ASAP1: variants seen among roughly 807,000 people sequenced by gnomAD.
The protein encoded by ASAP1 is ArfGAP with SH3 domain, ankyrin repeat and PH domain 1, also known as arf-GAP with SH3 domain, ANK repeat and PH domain-containing protein 1.
A neutral mutation model predicts 145.2 loss-of-function variants in ASAP1; 43 were observed. That is an observed-to-expected ratio of 0.30 (90% CI 0.23 to 0.38). The LOEUF is 0.38. ASAP1 is among the 10% of genes least tolerant of loss of function. The pLI, the probability that ASAP1 is intolerant of heterozygous loss-of-function variation, is 1.00. For synonymous variants in ASAP1, 546 were observed against 515.5 expected, an observed-to-expected ratio of 1.06 and a Z score of -0.80; for missense variants, 1,018 against 1,355.3, an observed-to-expected ratio of 0.75 and a Z score of 3.91.
chr8:130,209,947 G>C (rs1816475504), intron 5 of ASAP1, among the ~76,000 whole-genome samples: 1 of 152,200 alleles, frequency 6.6e-6, no homozygotes, highest in African/African-American at 2.4e-5. Flanking sequence ...GCTTTCAGTG[G>C]AAGCTAAAAT....
Position 130,157,092 on chromosome 8 carries a change from GT to G in ASAP1, c.1010+2771del, listed in dbSNP as rs2097659644. Among the ~76,000 whole-genome samples the G allele has an allele frequency of 3.9e-5, 6 of 152,184 alleles. No individual in the cohort carries two copies. In the South Asian group the frequency reaches 1.0e-3, roughly 26 times the overall value. ...AGAACAGGTCACATTTCCAAGAGAT[GT>G]TTGTACCACAGATGGTCAGGGAAGA... On this transcript the variant is annotated intron_variant, in intron 12 of 29. Coordinates refer to ENST00000518721, the MANE Select transcript of ASAP1 (RefSeq NM_018482.4).
Position 130,236,783 on chromosome 8 carries a change from A to T in ASAP1, c.259+139T>A, listed in dbSNP as rs971075755. 4.5e-5 allele frequency: 27 copies of T among 597,246 alleles called. No individual in the cohort carries two copies. The Admixed American group carries it at 5.1e-4, about 11-fold the overall frequency. The allele number at this position is 597,246 out of a possible 1,614,324, so 37.0% of individuals were successfully genotyped here. A position where few individuals can be genotyped will look rare whatever the true frequency, so the allele number is the denominator to read the frequency against. Reference sequence around the variant, plus strand: ...TGGGCTGACAGTCGAGATAAGAGAAAAAAAGAGAAATTTCTTTTACCTACT... The same window carrying T: ...TGGGCTGACAGTCGAGATAAGAGAATAAAAGAGAAATTTCTTTTACCTACT... On this transcript the variant is annotated intron_variant, in intron 4 of 29. Transcript: ENST00000518721.
At chr8:130,398,997 C>G (rs972610883) in intron 2 of ASAP1, among the ~76,000 whole-genome samples, 1 of 152,226 alleles carries the variant, frequency 6.6e-6, no homozygotes, top group Non-Finnish European at 1.5e-5. Flanking sequence ...CACTTCCCAG[C>G]CTTCTTTGCC....
At chr8:130,161,049 T>C (rs1215971746) in intron 11 of ASAP1, among the ~76,000 whole-genome samples, 3 of 152,158 alleles carry the variant, frequency 2.0e-5, no homozygotes, top group Admixed American at 1.3e-4. Context: ...CATGGCTAAA[T>C]AGAAGAATGT....
chr8:130,179,569 G>A (rs934787137), intron 8 of ASAP1, among the ~76,000 whole-genome samples: 1 of 152,046 alleles, frequency 6.6e-6, no homozygotes, highest in Non-Finnish European at 1.5e-5. Context: ...TAGTTTACTC[G>A]ACAAGCAGAA....
rs146560467 is a variant in ASAP1 at position 130,246,654 on chromosome 8, C to T, written c.187-9660G>A. ...GCGGAACTGTGAGTCAATTAAACGT[C>T]TTTTCTTTATAAATTACCCAATATC... On this transcript the variant is annotated intron_variant, in intron 3 of 29. Coordinates refer to ENST00000518721, the MANE Select transcript of ASAP1 (RefSeq NM_018482.4). 8.3e-3 allele frequency among the ~76,000 whole-genome samples: 1,262 copies of T among 152,270 alleles called. 19 individuals are homozygous for T. Among genetic ancestry groups the T allele is most frequent in the African/African-American group, 0.029 (1,214 of 41,550 alleles).
intron 2 of ASAP1, among the ~76,000 whole-genome samples, chr8:130,394,047 T>C (rs1036268512): frequency 3.3e-5 from 5 of 152,146 alleles, no homozygotes; most frequent in Non-Finnish European, 7.4e-5. Context: ...CCTGTGATGA[T>C]TGCATTAACT....
At chr8:130,281,574 AGT>A (rs1267477953) in intron 3 of ASAP1, among the ~76,000 whole-genome samples, 1 of 152,168 alleles carries the variant, frequency 6.6e-6, no homozygotes, top group Non-Finnish European at 1.5e-5. Flanking sequence ...ACTTATCCAA[AGT>A]GTAAAAAATA....
chr8:130,133,510 G>C (rs1001559355), intron 15 of ASAP1, among the ~76,000 whole-genome samples: 2 of 151,822 alleles, frequency 1.3e-5, no homozygotes, highest in South Asian at 4.2e-4. Flanking sequence ...CAAAAAATTA[G>C]CCGGGCGCGG....
Position 130,214,818 on chromosome 8 carries a change from T to C in ASAP1, c.260-117A>G, listed in dbSNP as rs1816796680. 16 of 834,770 alleles carry C rather than the reference T, an allele frequency of 1.9e-5. No individual in the cohort carries two copies. In the South Asian group the frequency reaches 2.2e-4, roughly 11 times the overall value. 51.7% of individuals were successfully genotyped at this position (834,770 alleles called of 1,614,324 possible). On this transcript the variant is annotated intron_variant, in intron 4 of 29. Coordinates refer to ENST00000518721, the MANE Select transcript of ASAP1 (RefSeq NM_018482.4). ...ATGGAAGCATAAACTGTATCAATTA[T>C]TTATTGCACATGTCCCAAAGGTTAG...
chr8:130,078,075 C>T (rs904371905), intron 26 of ASAP1, among the ~76,000 whole-genome samples: 2 of 151,962 alleles, frequency 1.3e-5, no homozygotes, highest in Admixed American at 6.5e-5. Flanking sequence ...CTGCAACCTC[C>T]ACTTCCCAGG....
chr8:130,431,282 C>G (rs908220743), intron 1 of ASAP1, among the ~76,000 whole-genome samples: 13 of 152,184 alleles, frequency 8.5e-5, no homozygotes, highest in Admixed American at 5.2e-4. Context: ...GCCAGAGTCA[C>G]CTTTCCAACA....
intron 1 of ASAP1, among the ~76,000 whole-genome samples, chr8:130,408,915 C>T: frequency 6.6e-6 from 1 of 152,168 alleles, no homozygotes; most frequent in South Asian, 2.1e-4. Flanking sequence ...TGGATCATGA[C>T]CAAACACACC....
intron 11 of ASAP1, among the ~76,000 whole-genome samples, chr8:130,165,304 A>G (rs1230999401): frequency 6.6e-6 from 1 of 152,218 alleles, no homozygotes; most frequent in Non-Finnish European, 1.5e-5. Flanking sequence ...AAACAAAGGT[A>G]GGGAGTGGTT....
At chr8:130,187,373 G>A (rs1814806178) in intron 6 of ASAP1, 88 bp from the exon 7 acceptor site, 1 of 1,141,516 alleles carries the variant, frequency 8.8e-7, no homozygotes, top group African/African-American at 1.6e-5. Context: ...AGCAAGAATT[G>A]TTTCCTTTAT....
At position 130,153,339 on chromosome 8, in the gene ASAP1, ATATATATATATATATATATG is replaced by A. The variant is rs1464806891; in HGVS notation, c.1011-554_1011-535del. On this transcript the variant is annotated intron_variant, in intron 12 of 29. Coordinates refer to ENST00000518721, the MANE Select transcript of ASAP1 (RefSeq NM_018482.4). ...GGCCAGCACTGCTTTTTAAATATAT[ATATATATATATATATATATG>A]TATATATATATATATATATATATAT... 7.1e-3 allele frequency among the ~76,000 whole-genome samples: 338 copies of A among 47,736 alleles called. 5 individuals are homozygous for A. Among genetic ancestry groups the A allele is most frequent in the South Asian group, 0.05 (38 of 756 alleles). 31.3% of individuals were successfully genotyped at this position (47,736 alleles called of 152,430 possible). A position where few individuals can be genotyped will look rare whatever the true frequency, so the allele number is the denominator to read the frequency against.
At chr8:130,441,572 TC>T (rs1167103027) in intron 1 of ASAP1, among the ~76,000 whole-genome samples, 3 of 152,158 alleles carry the variant, frequency 2.0e-5, no homozygotes, top group Non-Finnish European at 4.4e-5. Context: ...TTCCCTTCTT[TC>T]CTCTAGACTT....
intron 3 of ASAP1, among the ~76,000 whole-genome samples, chr8:130,276,728 A>ACACTCTCTCTCTCTCTCTCTCT (rs548512902): frequency 8.0e-5 from 7 of 87,316 alleles, no homozygotes; most frequent in East Asian, 4.9e-4. Context: ...ACACACACAC[A>ACACTCTCTCTCTCTCTCTCTCT]CTCTCTCTCT....
chr8:130,261,215 A>T (rs1338723469), intron 3 of ASAP1, among the ~76,000 whole-genome samples: 1 of 152,200 alleles, frequency 6.6e-6, no homozygotes, highest in Non-Finnish European at 1.5e-5. Context: ...ATATGTGTGT[A>T]TGGCGATGTA....
Sources: gnomAD v4.1 joint callset for allele counts (sites outside exome capture counted in the v4.1 genomes callset) on GRCh38, gnomAD v4.1.1 for gene constraint, MANE v1.5 for transcripts, NCBI Gene and HGNC (gene_info 2026-07-23, HGNC 2026-07-21) for gene names.